The following GPATCH1 variants were observed in gnomAD, a reference collection of about 807,000 sequenced individuals.
The protein encoded by GPATCH1 is G patch domain-containing protein 1.
In GPATCH1, 73 loss-of-function variants were observed where a neutral mutation model predicts 114.9. The ratio of observed to expected loss-of-function variants is 0.64; its 90% CI spans 0.53 to 0.77. The LOEUF (loss-of-function observed/expected upper bound fraction) is 0.77, where lower values mean the gene tolerates loss of function less well. Ranked by LOEUF, GPATCH1 falls within the 30% of genes least tolerant of loss-of-function variation. The pLI is 0.00. For synonymous variants in GPATCH1, 391 were observed against 428.4 expected (o/e 0.91, Z 1.08); for missense variants, 1,058 against 1,144.3 (o/e 0.92, Z 1.09).
intron 9 of GPATCH1, 95 bp downstream of exon 9, chr19:33,101,669 A>G: frequency 1.5e-6 from 1 of 668,048 alleles, no homozygotes; most frequent in South Asian, 1.7e-5. Flanking sequence ...CAGGAAAGAT[A>G]AGTAAATTCT....
intron 4 of GPATCH1, 114 bp from the exon 5 acceptor site, chr19:33,094,058 A>C (rs1262330247): frequency 1.5e-6 from 1 of 668,978 alleles, no homozygotes; most frequent in Admixed American, 2.3e-5. Flanking sequence ...GGGTGAGGGC[A>C]AGGGCCCAGG....
At position 33,106,850 on chromosome 19, in the gene GPATCH1, A is replaced by G. The variant is rs1459804734; in HGVS notation, c.1236A>G (p.Gln412=). ...ACCCAGGGACACACAGTAAGCACCA[A>G]CTGAATGCCTCCAAACGGGCTGAGT... is the stretch of plus-strand genomic sequence containing the variant. The part of the protein sequence containing the change: ...TPDPGTHSKH[Q]LNASKRAELL... The change falls in exon 10 of 20, where the codon CAA becomes CAG. Residue 412 remains glutamine (Q), a synonymous_variant. Transcript: ENST00000170564. 1.9e-6 allele frequency: 3 copies of G among 1,613,946 alleles called. No homozygotes were observed. The highest frequency in any genetic ancestry group is 1.7e-5 in the Admixed American group (1 of 59,976).
chr19:33,125,711 GA>G (rs1359768526), intron 18 of GPATCH1, among the ~76,000 whole-genome samples: 1 of 151,960 alleles, frequency 6.6e-6, no homozygotes, highest in Non-Finnish European at 1.5e-5. Context: ...TTAAAAAGCA[GA>G]AAAAAGGGCA....
At chr19:33,101,935 G>T (rs932023327) in intron 9 of GPATCH1, among the ~76,000 whole-genome samples, 3 of 151,338 alleles carry the variant, frequency 2.0e-5, no homozygotes, top group East Asian at 3.9e-4. Flanking sequence ...AGGCTGAGGT[G>T]GGAGAATCAC....
intron 18 of GPATCH1, among the ~76,000 whole-genome samples, chr19:33,126,191 G>T (rs1973038739): frequency 1.3e-5 from 2 of 152,194 alleles, no homozygotes; most frequent in African/African-American, 2.4e-5. Flanking sequence ...TTTCTTCCTT[G>T]TGGTTTTCCT....
At chr19:33,127,184 G>C (rs1222116953) in intron 19 of GPATCH1, among the ~76,000 whole-genome samples, 1 of 151,228 alleles carries the variant, frequency 6.6e-6, no homozygotes, top group African/African-American at 2.4e-5. Context: ...TAAAAAGTTT[G>C]AATATCTAAT....
chr19:33,127,665 CCACA>C (rs141613734), intron 19 of GPATCH1, among the ~76,000 whole-genome samples: 2 of 151,412 alleles, frequency 1.3e-5, no homozygotes, highest in Admixed American at 6.6e-5. Flanking sequence ...TTTTGTGCAA[CCACA>C]CACACACACA....
chr19:33,104,713 C>T (rs1296050585), intron 9 of GPATCH1, among the ~76,000 whole-genome samples: 1 of 152,032 alleles, frequency 6.6e-6, no homozygotes, highest in Non-Finnish European at 1.5e-5. Flanking sequence ...TGAGAGCCAG[C>T]GGAGAGAGGG....
At chr19:33,108,700 C>G (rs564019083) in intron 10 of GPATCH1, among the ~76,000 whole-genome samples, 1 of 152,074 alleles carries the variant, frequency 6.6e-6, no homozygotes, top group Non-Finnish European at 1.5e-5. Flanking sequence ...GGGCTTCTTT[C>G]GTGTCTCCAC....
intron 17 of GPATCH1, among the ~76,000 whole-genome samples, chr19:33,121,044 T>A (rs1174823806): frequency 6.6e-6 from 1 of 151,370 alleles, no homozygotes; most frequent in African/African-American, 2.4e-5. Context: ...AAAGAGAAAT[T>A]AAAAAAATAG....
chr19:33,115,922 TTC>T (rs1296283285), intron 15 of GPATCH1, among the ~76,000 whole-genome samples: 1 of 152,240 alleles, frequency 6.6e-6, no homozygotes, highest in East Asian at 1.9e-4. Flanking sequence ...ATGTTATATT[TTC>T]TGTTTATTAC....
chr19:33,095,852 G>T, intron 6 of GPATCH1, 32 bp downstream of exon 6: 1 of 1,447,862 alleles, frequency 6.9e-7, no homozygotes, highest in Non-Finnish European at 9.7e-7. Flanking sequence ...CTTCACTTTG[G>T]TACAACAGCA....
At position 33,113,756 on chromosome 19, in the gene GPATCH1, TC is replaced by T; in HGVS notation, c.1893-10del. On this transcript the variant is annotated splice_polypyrimidine_tract_variant and intron_variant, in intron 13 of 19. Transcript: ENST00000170564. ...GGTTGTTACTAAAATGATTCTTTTT[TC>T]AATTCCCAGTTCAACTTTAGTTGGC... The T allele has an allele frequency of 1.2e-6, 2 of 1,612,182 alleles. No homozygotes were observed. The highest frequency in any genetic ancestry group is 1.7e-6 in the Non-Finnish European group (2 of 1,178,744).
chr19:33,111,758 A>G lies in GPATCH1; in HGVS notation c.1620A>G (p.Thr540=), dbSNP rs775446468. ...AACGCTGTCTGGACCCCAGCATGACAGAGTGGGAGCGAGGCCGTGAGCGGG... is the reference window on the plus strand; with the variant it reads ...AACGCTGTCTGGACCCCAGCATGACGGAGTGGGAGCGAGGCCGTGAGCGGG... ...ALERCLDPSM[T]EWERGRERDE... The change falls in exon 12 of 20, where the codon ACA becomes ACG. Residue 540 remains threonine, a synonymous_variant. Coordinates refer to ENST00000170564, the MANE Select transcript of GPATCH1 (RefSeq NM_018025.3). The G allele has an allele frequency of 1.2e-6, 2 of 1,613,986 alleles. No homozygotes were observed. The highest frequency in any genetic ancestry group is 3.3e-5 in the Admixed American group (2 of 59,986).
chr19:33,109,835 C>T lies in GPATCH1; in HGVS notation c.1404C>T (p.Asn468=), dbSNP rs373378112. ...AQLKARSLAQ[N]AQSSRAQLSP... Reference sequence around the variant, plus strand: ...TCAAGGCCAGGAGTCTGGCCCAGAACGCTCAGAGCAGCAGAGCCCAGCTCT... The same window carrying T: ...TCAAGGCCAGGAGTCTGGCCCAGAATGCTCAGAGCAGCAGAGCCCAGCTCT... The change falls in exon 11 of 20, where the codon AAC becomes AAT. Residue 468 remains asparagine (N), a synonymous_variant. Transcript: ENST00000170564. 51 of 1,613,890 alleles carry T rather than the reference C, an allele frequency of 3.2e-5. No homozygotes were observed. The highest frequency in any genetic ancestry group is 2.1e-4 in the South Asian group (19 of 91,066).
chr19:33,083,427 C>G (rs1015701558), intron 1 of GPATCH1, among the ~76,000 whole-genome samples: 29 of 148,914 alleles, frequency 1.9e-4, no homozygotes, highest in Admixed American at 1.3e-4. Context: ...CAGAGTCACG[C>G]TCTGTTGTCC....
intron 3 of GPATCH1, among the ~76,000 whole-genome samples, chr19:33,092,435 A>G (rs1231971978): frequency 6.6e-6 from 1 of 152,168 alleles, no homozygotes; most frequent in Non-Finnish European, 1.5e-5. Flanking sequence ...ATTGTTTTAC[A>G]TGCCCATTCC....
Position 33,109,841 on chromosome 19 carries a change from G to A in GPATCH1, c.1410G>A (p.Gln470=), listed in dbSNP as rs559178597. ...LKARSLAQNA[Q]SSRAQLSPAA... is the part of the protein sequence containing the mutation. ...CCAGGAGTCTGGCCCAGAACGCTCA[G>A]AGCAGCAGAGCCCAGCTCTCCCCTG... Residue 470 remains glutamine (Q), a synonymous_variant, in exon 11 of 20, where the codon CAG becomes CAA. Transcript: ENST00000170564. 5 of 1,614,126 alleles carry A rather than the reference G, an allele frequency of 3.1e-6. No homozygotes were observed. Among genetic ancestry groups the A allele is most frequent in the Non-Finnish European group, 4.2e-6 (5 of 1,180,004 alleles).
At chr19:33,121,320 CTTT>C (rs534893516) in intron 17 of GPATCH1, among the ~76,000 whole-genome samples, 3 of 124,528 alleles carry the variant, frequency 2.4e-5, no homozygotes, top group Admixed American at 8.2e-5. Context: ...CTTTTCTTTT[CTTT>C]TTTTTTTTTT....
Sources: gnomAD v4.1 joint callset for allele counts (sites outside exome capture counted in the v4.1 genomes callset) on GRCh38, gnomAD v4.1.1 for gene constraint, MANE v1.5 for transcripts, NCBI Gene and HGNC (gene_info 2026-07-23, HGNC 2026-07-21) for gene names.